Variants in LRP1B observed in about 807,000 individuals in gnomAD.
LRP1B encodes low-density lipoprotein receptor-related protein 1B.
LRP1B carries 217 observed loss-of-function variants against 556.6 expected under a neutral mutation model. That is an observed-to-expected ratio of 0.39 (90% CI 0.35 to 0.44). The LOEUF (loss-of-function observed/expected upper bound fraction) is 0.44. Among genes scored for constraint, LRP1B ranks in the 20% least tolerant of loss-of-function variants. LRP1B has a pLI of 1.00. For missense variants in LRP1B, 5,053 were observed against 5,620.8 expected, an observed-to-expected ratio of 0.90 and a Z score of 3.23; for synonymous variants, 2,047 against 1,865.8, an observed-to-expected ratio of 1.10 and a Z score of -2.50.
chr2:140,826,571 A>C (rs1173825793), intron 31 of LRP1B, among the ~76,000 whole-genome samples: 1 of 152,076 alleles, frequency 6.6e-6, no homozygotes, highest in Non-Finnish European at 1.5e-5. Context: ...AGAAGTGAAA[A>C]ACTCTGAACA....
At chr2:140,949,942 A>C (rs1695662181) in intron 20 of LRP1B, among the ~76,000 whole-genome samples, 1 of 88,634 alleles carries the variant, frequency 1.1e-5, no homozygotes, top group African/African-American at 6.7e-5. Context: ...CCGTCTCAAA[A>C]AAAAAAAAAA....
chr2:141,335,847 A>G (rs1687828827), intron 3 of LRP1B, among the ~76,000 whole-genome samples: 1 of 152,134 alleles, frequency 6.6e-6, no homozygotes, highest in Admixed American at 6.6e-5. Context: ...TGTATTAAAT[A>G]AAATACATCC....
Position 140,358,587 on chromosome 2 carries a change from G to A in LRP1B, c.11257+234C>T, listed in dbSNP as rs112614917. ...TTAAAAATCTCTATATTGTTTCTCC[G>A]GGATGAATATTTTCTAGAATAAAGG... On this transcript the variant is annotated intron_variant, in intron 73 of 90. Coordinates refer to ENST00000389484, the MANE Select transcript of LRP1B (RefSeq NM_018557.3). Among the ~76,000 whole-genome samples, 385 of 151,616 alleles carry A rather than the reference G, an allele frequency of 2.5e-3. 3 individuals carry two copies. The highest frequency in any genetic ancestry group is 8.1e-3 in the African/African-American group (336 of 41,432).
rs371402134 is a variant in LRP1B, at chr2:140,331,359, C to T, written c.12223+3094G>A. 6.6e-5 allele frequency among the ~76,000 whole-genome samples: 10 copies of T among 152,168 alleles called. 1 individual carries two copies. Among genetic ancestry groups the T allele is most frequent in the African/African-American group, 2.4e-4 (10 of 41,560 alleles). ...GAACACATTGCTTACCTGCCACACACTTGATTGAAACAACATATTTTTATT... is the reference window on the plus strand; with the variant it reads ...GAACACATTGCTTACCTGCCACACATTTGATTGAAACAACATATTTTTATT... On this transcript the variant is annotated intron_variant, in intron 79 of 90. Transcript: ENST00000389484.
chr2:141,901,294 C>T (rs1699611856), intron 1 of LRP1B, among the ~76,000 whole-genome samples: 1 of 151,886 alleles, frequency 6.6e-6, no homozygotes, highest in African/African-American at 2.4e-5. Context: ...ATGGAGGAAA[C>T]TAACCGTTTG....
intron 7 of LRP1B, among the ~76,000 whole-genome samples, chr2:141,099,756 A>G (rs1419976567): frequency 3.3e-5 from 5 of 152,226 alleles, no homozygotes; most frequent in African/African-American, 1.2e-4. Flanking sequence ...TGTGTAGTAA[A>G]AGAGGGCTGT....
At chr2:141,548,601 A>C (rs1392866850) in intron 2 of LRP1B, among the ~76,000 whole-genome samples, 1 of 152,206 alleles carries the variant, frequency 6.6e-6, no homozygotes, top group Non-Finnish European at 1.5e-5. Flanking sequence ...ATTTCCAATA[A>C]AGATCTTTGA....
rs143496576 is a variant in LRP1B at position 140,523,681 on chromosome 2, T to C, written c.8026+2163A>G. Among the ~76,000 whole-genome samples, 785 of 151,902 alleles carry C rather than the reference T, an allele frequency of 5.2e-3. 5 individuals are homozygous for C. The highest frequency in any genetic ancestry group is 0.017 in the African/African-American group (724 of 41,504). On this transcript the variant is annotated intron_variant, in intron 49 of 90. Coordinates refer to ENST00000389484, the MANE Select transcript of LRP1B (RefSeq NM_018557.3). ...ATCTCATAATCAAGTTTAGTGAAGA[T>C]GCAAAATTAATGTATAAAAATCAGT...
intron 84 of LRP1B, among the ~76,000 whole-genome samples, chr2:140,293,589 A>G (rs1012541284): frequency 2.0e-5 from 3 of 152,192 alleles, no homozygotes; most frequent in Admixed American, 6.5e-5. Context: ...GTAATGAACC[A>G]TTCTGTCATT....
chr2:141,529,378 T>C (rs1297066839), intron 2 of LRP1B, among the ~76,000 whole-genome samples: 3 of 152,304 alleles, frequency 2.0e-5, no homozygotes, highest in Middle Eastern at 3.4e-3. Flanking sequence ...ACTCACTTTC[T>C]CTTGAAGAAA....
At chr2:141,063,847 A>G (rs1317550352) in intron 7 of LRP1B, among the ~76,000 whole-genome samples, 1 of 151,868 alleles carries the variant, frequency 6.6e-6, no homozygotes, top group Non-Finnish European at 1.5e-5. Flanking sequence ...ACAGAGGTGA[A>G]GAGGAGTTGG....
intron 3 of LRP1B, among the ~76,000 whole-genome samples, chr2:141,369,179 A>G (rs188249866): frequency 6.6e-6 from 1 of 152,300 alleles, no homozygotes. Context: ...AAATAGGAAC[A>G]AAGATTATTT....
intron 2 of LRP1B, among the ~76,000 whole-genome samples, chr2:141,807,854 C>T (rs922006992): frequency 6.6e-5 from 10 of 151,990 alleles, no homozygotes; most frequent in African/African-American, 2.4e-4. Flanking sequence ...GAATACTGGT[C>T]GGTGCATACA....
chr2:140,495,700 C>T lies in LRP1B; in HGVS notation c.8899G>A (p.Val2967Ile), dbSNP rs368656539. The T allele has an allele frequency of 3.1e-6, 5 of 1,613,532 alleles. No individual in the cohort carries two copies. Among genetic ancestry groups the T allele is most frequent in the Non-Finnish European group, 4.2e-6 (5 of 1,179,522 alleles). ...CCTGAAGAGCATTCATCAATGTCTA[C>T]ACATGTTTTGCCGTCATCCTTCAGT... ...FQLKDDGKTC[V>I]DIDECSSGFP... Residue 2967 changes from valine to isoleucine, a missense_variant, in exon 56 of 91, where the codon GTA (valine) becomes ATA (isoleucine). Transcript: ENST00000389484.
chr2:140,259,404 C>T (rs903524768), intron 86 of LRP1B, among the ~76,000 whole-genome samples: 1 of 151,882 alleles, frequency 6.6e-6, no homozygotes, highest in African/African-American at 2.4e-5. Context: ...GTGTGAGTTC[C>T]AGAAAACTCA....
At chr2:141,078,630 AGAAAG>A (rs1699850788) in intron 7 of LRP1B, among the ~76,000 whole-genome samples, 1 of 152,094 alleles carries the variant, frequency 6.6e-6, no homozygotes, top group African/African-American at 2.4e-5. Flanking sequence ...AGAGAGAAAG[AGAAAG>A]AGAAATGAAG....
intron 25 of LRP1B, among the ~76,000 whole-genome samples, chr2:140,878,100 G>T (rs1693366583): frequency 6.6e-6 from 1 of 152,134 alleles, no homozygotes; most frequent in African/African-American, 2.4e-5. Flanking sequence ...GGATAAAAAT[G>T]AACATTCATA....
At chr2:141,808,076 C>T (rs567041721) in intron 2 of LRP1B, among the ~76,000 whole-genome samples, 2 of 152,158 alleles carry the variant, frequency 1.3e-5, no homozygotes, top group South Asian at 4.1e-4. Context: ...CACTGAGCTC[C>T]CTCTTGAGCA....
At chr2:140,836,320 A>C (rs1186207034) in intron 31 of LRP1B, among the ~76,000 whole-genome samples, 1 of 152,204 alleles carries the variant, frequency 6.6e-6, no homozygotes, top group Non-Finnish European at 1.5e-5. Context: ...GTTTAAAGTC[A>C]CAGAGTTAAT....
Sources: gnomAD v4.1 joint callset for allele counts (sites outside exome capture counted in the v4.1 genomes callset) on GRCh38, gnomAD v4.1.1 for gene constraint, MANE v1.5 for transcripts, NCBI Gene and HGNC (gene_info 2026-07-23, HGNC 2026-07-21) for gene names.